The following MYH13 variants were observed in gnomAD, a reference collection of about 807,000 sequenced individuals.
MYH13 encodes myosin-13.
In MYH13, 177 loss-of-function variants were observed where a neutral mutation model predicts 232.1. The observed-to-expected ratio is 0.76, with a 90% confidence interval of 0.67 to 0.86. The LOEUF (loss-of-function observed/expected upper bound fraction) is 0.86, where lower values mean the gene tolerates loss of function less well. Among genes scored for constraint, MYH13 ranks in the 40% least tolerant of loss-of-function variants. The pLI, the probability that MYH13 is intolerant of heterozygous loss-of-function variation, is 0.00. For synonymous variants in MYH13, 884 were observed against 923.5 expected (o/e 0.96, Z 0.78); for missense variants, 2,246 against 2,405.9 (o/e 0.93, Z 1.39).
At position 10,303,495 on chromosome 17, in the gene MYH13, G is replaced by A. The variant is rs140895457; in HGVS notation, c.5470C>T (p.Arg1824Trp). The change falls in exon 38 of 41, where the codon CGG becomes TGG. Residue 1824 changes from arginine to tryptophan, a missense_variant. By Grantham distance (101) the Arg-to-Trp change is moderately radical (BLOSUM62 -3). Transcript: ENST00000252172. ...ACATCAAGCTCATTTTCCAGCTCCC[G>A]CACCTGAGTAGGATGAAAGGAACAC... is the stretch of plus-strand genomic sequence containing the variant. ...KQIQKLENRVRELENELDVEQ... is the reference protein window; with the variant it reads ...KQIQKLENRVWELENELDVEQ... 1.9e-4 allele frequency: 305 copies of A among 1,613,442 alleles called. 1 individual carries two copies. The East Asian group carries it at 3.1e-3, about 16-fold the overall frequency.
chr17:10,325,217 G>A lies in MYH13; in HGVS notation c.2692-953C>T, dbSNP rs116213101. ...GAAATTTGCCACATTTGAACAGCTG[G>A]TTATCTCACTCTTCCTGCTACCACC... On this transcript the variant is annotated intron_variant, in intron 22 of 40. Coordinates refer to ENST00000252172, the MANE Select transcript of MYH13 (RefSeq NM_003802.3). Among the ~76,000 whole-genome samples, 210 of 152,238 alleles carry A rather than the reference G, an allele frequency of 1.4e-3. 1 individual carries two copies. The highest frequency in any genetic ancestry group is 5.0e-3 in the African/African-American group (206 of 41,540).
At chr17:10,330,609 CTG>C (rs1907379637) in intron 20 of MYH13, 86 bp from the exon 21 acceptor site, 5 of 1,509,220 alleles carry the variant, frequency 3.3e-6, no homozygotes, top group South Asian at 1.3e-5. Context: ...CTGCTCAACT[CTG>C]AGGCTCAACT....
chr17:10,362,061 G>A (rs1309418485), intron 5 of MYH13, 57 bp downstream of exon 5: 3 of 1,612,244 alleles, frequency 1.9e-6, no homozygotes, highest in Non-Finnish European at 1.7e-6. Flanking sequence ...CCCATCAAAA[G>A]CTTGAAAAAT....
rs1424129219 is a variant in MYH13 at position 10,342,265 on chromosome 17, C to T, written c.1894+1535G>A. ...TTTTAGAGACAGGATCTCTATGTTGCCCACACTGGTCTTGAACTCCTGGCC... is the reference window on the plus strand; with the variant it reads ...TTTTAGAGACAGGATCTCTATGTTGTCCACACTGGTCTTGAACTCCTGGCC... On this transcript the variant is annotated intron_variant, in intron 16 of 40. Coordinates refer to ENST00000252172, the MANE Select transcript of MYH13 (RefSeq NM_003802.3). 2.6e-5 allele frequency among the ~76,000 whole-genome samples: 4 copies of T among 151,952 alleles called. 1 individual carries two copies. Among genetic ancestry groups the T allele is most frequent in the Non-Finnish European group, 5.9e-5 (4 of 67,996 alleles).
At chr17:10,351,072 T>C (rs1017032648) in intron 11 of MYH13, among the ~76,000 whole-genome samples, 1 of 151,702 alleles carries the variant, frequency 6.6e-6, no homozygotes, top group Admixed American at 6.6e-5. Flanking sequence ...ATACAAAAAA[T>C]TAGCCAGGCA....
At chr17:10,319,682 A>C (rs551033036) in intron 26 of MYH13, among the ~76,000 whole-genome samples, 25 of 152,332 alleles carry the variant, frequency 1.6e-4, no homozygotes, top group Admixed American at 2.6e-4. Flanking sequence ...TCTGCAGATC[A>C]TGTTGCCAAA....
chr17:10,364,891 T>C (rs1378981834), intron 2 of MYH13, among the ~76,000 whole-genome samples: 1 of 152,082 alleles, frequency 6.6e-6, no homozygotes, highest in African/African-American at 2.4e-5. Context: ...TTTCTTTCTT[T>C]TGAGACAGAG....
chr17:10,303,053 G>A, intron 39 of MYH13, 143 bp downstream of exon 39: 2 of 693,532 alleles, frequency 2.9e-6, no homozygotes, highest in Non-Finnish European at 5.1e-6. Context: ...GAGGAAGAGG[G>A]CAGTTGTCTC....
chr17:10,301,087 T>A (rs1426664961), intron 40 of MYH13, 122 bp from the exon 41 acceptor site: 2 of 902,162 alleles, frequency 2.2e-6, no homozygotes, highest in Admixed American at 2.0e-5. Flanking sequence ...GGAATGGCGT[T>A]GTTTCCCTTT....
At chr17:10,330,061 CA>C (rs1334740840) in intron 21 of MYH13, among the ~76,000 whole-genome samples, 1 of 151,986 alleles carries the variant, frequency 6.6e-6, no homozygotes, top group African/African-American at 2.4e-5. Flanking sequence ...ATGCCAACTC[CA>C]ACCCCCTAAT....
chr17:10,306,320 C>T lies in MYH13; in HGVS notation c.5466+139G>A. ...AGAAAGAGGTGAGAAATGAAGCTCA[C>T]AGGGAATTTTTCAAGCAGTCCTGAA... On this transcript the variant is annotated intron_variant, in intron 37 of 40. Coordinates refer to ENST00000252172, the MANE Select transcript of MYH13 (RefSeq NM_003802.3). This position sits in a 1 kb window ranked among gnomAD's most constrained non-coding sequence, Gnocchi z 4.3. 8.5e-7 allele frequency: 1 copy of T among 1,175,848 alleles called. No individual in the cohort carries two copies. Among genetic ancestry groups the T allele is most frequent in the East Asian group, 2.4e-5 (1 of 41,456 alleles). The allele number at this position is 1,175,848 out of a possible 1,614,324, so 72.8% of individuals were successfully genotyped here.
rs772820574 is a variant in MYH13, at chr17:10,340,356, G to A, written c.1940C>T (p.Ser647Phe). Residue 647 changes from serine (S) to phenylalanine (F), a missense_variant, in exon 17 of 41, where the codon TCT becomes TTT. Transcript: ENST00000252172. ...GAACACGGCCGACACGGTCTGGAAAGAGGAGCCCTTCTTCTTCCCGCCCTT... is the reference window on the plus strand; with the variant it reads ...GAACACGGCCGACACGGTCTGGAAAAAGGAGCCCTTCTTCTTCCCGCCCTT... ...SKKGGKKKGSSFQTVSAVFRE... is the reference protein window; with the variant it reads ...SKKGGKKKGSFFQTVSAVFRE... 1.2e-6 allele frequency: 2 copies of A among 1,613,968 alleles called. No individual in the cohort carries two copies. The highest frequency in any genetic ancestry group is 1.7e-5 in the Admixed American group (1 of 60,012).
chr17:10,357,841 A>G lies in MYH13; in HGVS notation c.646-14T>C, dbSNP rs1406655529. ...CTCTAGGGTTCCCTAATAATAAACAAGAAGAGGAAAAAGAGGACTTTGGAT... is the reference window on the plus strand; with the variant it reads ...CTCTAGGGTTCCCTAATAATAAACAGGAAGAGGAAAAAGAGGACTTTGGAT... On this transcript the variant is annotated splice_polypyrimidine_tract_variant and intron_variant, in intron 7 of 40. Transcript: ENST00000252172. 6.2e-7 allele frequency: 1 copy of G among 1,607,590 alleles called. No homozygotes were observed. Among genetic ancestry groups the G allele is most frequent in the Non-Finnish European group, 8.5e-7 (1 of 1,175,750 alleles).
intron 18 of MYH13, 59 bp downstream of exon 18, chr17:10,340,091 C>T: frequency 6.9e-7 from 1 of 1,450,708 alleles, no homozygotes; most frequent in Non-Finnish European, 9.5e-7. Context: ...CAGAATTTTG[C>T]ATTTATCTCA....
chr17:10,352,617 A>G (rs1243756990), intron 11 of MYH13, among the ~76,000 whole-genome samples: 1 of 151,940 alleles, frequency 6.6e-6, no homozygotes, highest in Non-Finnish European at 1.5e-5. Context: ...AAACCAAAAA[A>G]AGGCTCCGTG....
chr17:10,332,226 A>C lies in MYH13; in HGVS notation c.2175-4T>G, dbSNP rs1907432620. 6.2e-7 allele frequency: 1 copy of C among 1,613,412 alleles called. No individual in the cohort carries two copies. Among genetic ancestry groups the C allele is most frequent in the Non-Finnish European group, 8.5e-7 (1 of 1,179,374 alleles). On this transcript the variant is annotated splice_region_variant and splice_polypyrimidine_tract_variant and intron_variant, in intron 19 of 40. Coordinates refer to ENST00000252172, the MANE Select transcript of MYH13 (RefSeq NM_003802.3). ...ACTGGCATTGAGGATCCGGTACCTA[A>C]GGAGAGAGGACATTTCCCAAATGGA...
rs995115385 is a variant in MYH13 at position 10,314,273 on chromosome 17, G to T, written c.3985-919C>A. Reference sequence around the variant, plus strand: ...TGTCACTACTAAAAATACAAAACCGGGCATGGTGGCACATGCACGTAATCC... The same window carrying T: ...TGTCACTACTAAAAATACAAAACCGTGCATGGTGGCACATGCACGTAATCC... On this transcript the variant is annotated intron_variant, in intron 29 of 40. Coordinates refer to ENST00000252172, the MANE Select transcript of MYH13 (RefSeq NM_003802.3). Among the ~76,000 whole-genome samples, 9 of 152,056 alleles carry T rather than the reference G, an allele frequency of 5.9e-5. No individual in the cohort carries two copies. The South Asian group carries it at 1.7e-3, about 28-fold the overall frequency.
rs376140888 is a variant in MYH13, at chr17:10,345,779, G to T, written c.1264-163C>A. On this transcript the variant is annotated intron_variant, in intron 13 of 40. Transcript: ENST00000252172. ...GGAGGCCAAGGCGGGCGGATCACGA[G>T]GTCAGGAGTTCAAGACCATCCTGGC... Among the ~76,000 whole-genome samples, 450 of 152,178 alleles carry T rather than the reference G, an allele frequency of 3.0e-3. 1 individual carries two copies. The highest frequency in any genetic ancestry group is 0.01 in the African/African-American group (417 of 41,516).
In MYH13 at chr17:10,351,942, A is replaced by G. The variant is rs138993963; in HGVS notation, c.1006-1248T>C. ...GCAGGATGATATTGGAGAGTCAAGC[A>G]TTCTTGGAGTGGCACCCCCTTTAGT... On this transcript the variant is annotated intron_variant, in intron 11 of 40. Coordinates refer to ENST00000252172, the MANE Select transcript of MYH13 (RefSeq NM_003802.3). Among the ~76,000 whole-genome samples the G allele has an allele frequency of 8.6e-3, 1,312 of 152,238 alleles. 28 individuals are homozygous for G. The highest frequency in any genetic ancestry group is 0.03 in the African/African-American group (1,253 of 41,532).
Sources: gnomAD v4.1 joint callset for allele counts (sites outside exome capture counted in the v4.1 genomes callset) on GRCh38, gnomAD v4.1.1 for gene constraint, Gnocchi (gnomAD v3.1) non-coding constraint, MANE v1.5 for transcripts, NCBI Gene and HGNC (gene_info 2026-07-23, HGNC 2026-07-21) for gene names.